The following ELMO1 variants were observed in gnomAD, a reference collection of about 807,000 sequenced individuals.
The protein encoded by ELMO1 is engulfment and cell motility protein 1.
Under a neutral mutation model 98.9 loss-of-function variants are expected in ELMO1, and 26 were observed. The observed-to-expected ratio is 0.26, with a 90% confidence interval of 0.19 to 0.36. The LOEUF (loss-of-function observed/expected upper bound fraction) is 0.36, where lower values mean the gene tolerates loss of function less well. Ranked by LOEUF, ELMO1 falls within the 10% of genes least tolerant of loss-of-function variation. The pLI, the probability that ELMO1 is intolerant of heterozygous loss-of-function variation, is 1.00. For missense variants in ELMO1, 627 were observed against 935.2 expected (o/e 0.67, Z 4.30); for synonymous variants, 346 against 346.0 (o/e 1.00, Z 0.00).
At chr7:37,061,928 G>A (rs553926623) in intron 15 of ELMO1, among the ~76,000 whole-genome samples, 1 of 152,014 alleles carries the variant, frequency 6.6e-6, no homozygotes, top group East Asian at 1.9e-4. Flanking sequence ...AAAAATGGAG[G>A]GTCACACTGA....
At chr7:37,153,107 A>G (rs766075309) in intron 13 of ELMO1, among the ~76,000 whole-genome samples, 11 of 152,220 alleles carry the variant, frequency 7.2e-5, no homozygotes, top group South Asian at 2.1e-4. Context: ...TCCAACAAGT[A>G]GGCACTTCGG....
chr7:36,937,803 A>T (rs1051328288), intron 16 of ELMO1, among the ~76,000 whole-genome samples: 1 of 152,220 alleles, frequency 6.6e-6, no homozygotes, highest in Non-Finnish European at 1.5e-5. Context: ...AATAAAATTA[A>T]ATGCAACAGT....
At chr7:36,906,279 T>G (rs2129062163) in intron 16 of ELMO1, among the ~76,000 whole-genome samples, 1 of 152,262 alleles carries the variant, frequency 6.6e-6, no homozygotes, top group South Asian at 2.1e-4. Context: ...TCGTCAAGAT[T>G]CTGTGATATA....
intron 15 of ELMO1, among the ~76,000 whole-genome samples, chr7:37,025,184 G>A (rs61546031): frequency 0.027 from 4,078 of 152,208 alleles, 172 homozygotes; most frequent in African/African-American, 0.087. Flanking sequence ...TTTAGGTCTA[G>A]GAAATGCTGT....
chr7:36,917,108 T>C (rs1189427959), intron 16 of ELMO1, among the ~76,000 whole-genome samples: 1 of 152,240 alleles, frequency 6.6e-6, no homozygotes, highest in Non-Finnish European at 1.5e-5. Flanking sequence ...CAAATAATAC[T>C]TGGTTGCTTT....
At chr7:37,377,760 A>C (rs1023146488) in intron 1 of ELMO1, among the ~76,000 whole-genome samples, 3 of 152,098 alleles carry the variant, frequency 2.0e-5, no homozygotes, top group Non-Finnish European at 4.4e-5. Flanking sequence ...CCCCTCCTCC[A>C]AGGCTGTTTG....
At chr7:36,930,953 T>A (rs1469969482) in intron 16 of ELMO1, among the ~76,000 whole-genome samples, 1 of 152,230 alleles carries the variant, frequency 6.6e-6, no homozygotes, top group Admixed American at 6.5e-5. Flanking sequence ...TCTTCCTCCA[T>A]CAGTCCTCAA....
At chr7:37,002,187 T>C (rs1479480070) in intron 16 of ELMO1, 2 of 152,238 alleles carry the variant, frequency 1.3e-5, no homozygotes, top group Non-Finnish European at 2.9e-5. Flanking sequence ...CCAAGGTATG[T>C]AGTTCTCATG....
At chr7:36,931,852 T>G (rs1786074921) in intron 16 of ELMO1, among the ~76,000 whole-genome samples, 1 of 152,218 alleles carries the variant, frequency 6.6e-6, no homozygotes, top group Non-Finnish European at 1.5e-5. Context: ...TACAGACTTC[T>G]CTTAATAACC....
Position 37,124,657 on chromosome 7 carries a change from C to A in ELMO1, c.1191+8473G>T, listed in dbSNP as rs373759099. On this transcript the variant is annotated intron_variant, in intron 14 of 21. Transcript: ENST00000310758. ...AAGAGGATACAAACAAATGGAAGAACATTCCATGCTCATGGGTAGGAAGAA... is the reference window on the plus strand; with the variant it reads ...AAGAGGATACAAACAAATGGAAGAAAATTCCATGCTCATGGGTAGGAAGAA... 8.5e-5 allele frequency among the ~76,000 whole-genome samples: 13 copies of A among 152,330 alleles called. No individual in the cohort carries two copies. The East Asian group carries it at 1.9e-3, about 23-fold the overall frequency.
rs66521312 is a variant in ELMO1, at chr7:37,290,850, T to TTGA, written c.193-18971_193-18969dup. 6.7e-3 allele frequency among the ~76,000 whole-genome samples: 1,019 copies of TTGA among 151,296 alleles called. 13 individuals carry two copies. Among genetic ancestry groups the TTGA allele is most frequent in the African/African-American group, 0.024 (975 of 41,234 alleles). ...AGTAAAAGGCAGAAGCAGGGTGATT[T>TTGA]TGATGATGATGATGATGATGACAGA... is the stretch of plus-strand genomic sequence containing the variant. On this transcript the variant is annotated intron_variant, in intron 4 of 21. Coordinates refer to ENST00000310758, the MANE Select transcript of ELMO1 (RefSeq NM_014800.11).
chr7:36,927,177 G>A (rs769754359), intron 16 of ELMO1, among the ~76,000 whole-genome samples: 3 of 152,098 alleles, frequency 2.0e-5, no homozygotes, highest in Non-Finnish European at 4.4e-5. Context: ...CAAGAAAACC[G>A]AGGCAACTTG....
At chr7:36,976,793 A>G (rs1041722490) in intron 16 of ELMO1, among the ~76,000 whole-genome samples, 9 of 152,364 alleles carry the variant, frequency 5.9e-5, no homozygotes, top group African/African-American at 2.2e-4. Flanking sequence ...TGAGAATCTG[A>G]AAATGGATTA....
intron 1 of ELMO1, among the ~76,000 whole-genome samples, chr7:37,396,775 C>T (rs920800267): frequency 2.0e-5 from 3 of 152,162 alleles, no homozygotes; most frequent in Non-Finnish European, 2.9e-5. Context: ...ATACTTTTGC[C>T]TATTTGCCTA....
At chr7:37,227,778 C>T (rs1419200718) in intron 8 of ELMO1, among the ~76,000 whole-genome samples, 1 of 152,178 alleles carries the variant, frequency 6.6e-6, no homozygotes, top group Non-Finnish European at 1.5e-5. Context: ...TGCCAGTGGG[C>T]TTGCTCAATG....
At chr7:37,075,909 G>A (rs1248971744) in intron 15 of ELMO1, among the ~76,000 whole-genome samples, 1 of 152,182 alleles carries the variant, frequency 6.6e-6, no homozygotes, top group Non-Finnish European at 1.5e-5. Flanking sequence ...TCATTAATGT[G>A]AAAACAGACA....
At chr7:37,209,543 A>G (rs904929865) in intron 13 of ELMO1, among the ~76,000 whole-genome samples, 1 of 152,236 alleles carries the variant, frequency 6.6e-6, no homozygotes, top group Non-Finnish European at 1.5e-5. Flanking sequence ...GGAATCAATT[A>G]AGAGTATTTT....
chr7:36,905,809 T>C (rs1386145770), intron 16 of ELMO1, among the ~76,000 whole-genome samples: 1 of 152,222 alleles, frequency 6.6e-6, no homozygotes. Flanking sequence ...AAACAGAAGA[T>C]GGAGAAGAGG....
At chr7:37,145,909 T>C (rs925712935) in intron 13 of ELMO1, among the ~76,000 whole-genome samples, 5 of 152,168 alleles carry the variant, frequency 3.3e-5, no homozygotes, top group Non-Finnish European at 7.3e-5. Context: ...AAAGAGGTCA[T>C]CTAGGAACTC....
Sources: allele counts gnomAD v4.1 joint callset (sites outside exome capture counted in the v4.1 genomes callset), GRCh38; gene constraint gnomAD v4.1.1; transcripts MANE v1.5; gene names NCBI Gene and HGNC (gene_info 2026-07-23, HGNC 2026-07-21).